The following PCLO variants were observed in gnomAD, a reference collection of about 807,000 sequenced individuals.
PCLO encodes the protein protein piccolo.
In PCLO, 82 loss-of-function variants were observed where a neutral mutation model predicts 427.5. That is an observed-to-expected ratio of 0.19 (90% CI 0.16 to 0.23). PCLO has a LOEUF of 0.23. PCLO is among the 10% of genes least tolerant of loss of function. PCLO has a pLI of 1.00. For synonymous variants in PCLO, 2,357 were observed against 2,155.4 expected (o/e 1.09, Z -2.59); for missense variants, 6,239 against 6,115.9 (o/e 1.02, Z -0.67).
At chr7:82,879,577 A>C (rs1793453276) in intron 9 of PCLO, 115 bp from the exon 10 acceptor site, 2 of 681,986 alleles carry the variant, frequency 2.9e-6, no homozygotes. Flanking sequence ...ATATAACATG[A>C]ATATTGGAAA....
intron 3 of PCLO, among the ~76,000 whole-genome samples, chr7:83,092,134 G>A (rs978472285): frequency 9.9e-5 from 15 of 152,180 alleles, no homozygotes; most frequent in African/African-American, 3.4e-4. Flanking sequence ...AACTCACTAA[G>A]TCAGGAATAA....
At position 82,757,660 on chromosome 7, in the gene PCLO, C is replaced by T. The variant is rs1178493541; in HGVS notation, c.*915G>A. ...GATAATACATTTATTTGCAGTTTCA[C>T]AAAGAGTAAGTTATCATGCTTCCTA... is the stretch of plus-strand genomic sequence containing the variant. On this transcript the variant is annotated 3_prime_UTR_variant, in exon 25 of 25. Transcript: ENST00000333891. The T allele has an allele frequency of 6.6e-6, 1 of 151,886 alleles. No homozygotes were observed. Among genetic ancestry groups the T allele is most frequent in the African/African-American group, 2.4e-5 (1 of 41,394 alleles). The allele number at this position is 151,886 out of a possible 1,614,324, so 9.4% of individuals were successfully genotyped here. A position where few individuals can be genotyped will look rare whatever the true frequency, so the allele number is the denominator to read the frequency against.
chr7:83,000,056 CAA>C (rs34696638), intron 3 of PCLO, among the ~76,000 whole-genome samples: 38 of 144,238 alleles, frequency 2.6e-4, no homozygotes, highest in Non-Finnish European at 6.1e-5. Context: ...AAAAAACAAA[CAA>C]AAAAAAAACC....
chr7:83,100,412 C>G (rs1213131519), intron 3 of PCLO, among the ~76,000 whole-genome samples: 5 of 152,068 alleles, frequency 3.3e-5, no homozygotes, highest in African/African-American at 1.2e-4. Flanking sequence ...ACCTAAATGC[C>G]CATCAGTGAT....
intron 20 of PCLO, among the ~76,000 whole-genome samples, chr7:82,816,068 GGAAAA>G (rs1349968371): frequency 1.3e-5 from 2 of 151,912 alleles, no homozygotes; most frequent in African/African-American, 4.8e-5. Flanking sequence ...TAATAAAAAT[GGAAAA>G]GAATATTTTC....
intron 3 of PCLO, among the ~76,000 whole-genome samples, chr7:83,044,522 T>C (rs916783624): frequency 3.3e-5 from 5 of 152,178 alleles, no homozygotes; most frequent in African/African-American, 1.2e-4. Flanking sequence ...TATAAATGTG[T>C]CTTTTACCAT....
At chr7:82,880,192 T>C (rs1470036430) in intron 9 of PCLO, among the ~76,000 whole-genome samples, 1 of 152,138 alleles carries the variant, frequency 6.6e-6, no homozygotes, top group African/African-American at 2.4e-5. Flanking sequence ...AGCAAGTATA[T>C]AGAGCATGAA....
intron 3 of PCLO, among the ~76,000 whole-genome samples, chr7:83,101,764 C>T (rs1402472246): frequency 6.6e-6 from 1 of 152,110 alleles, no homozygotes; most frequent in Non-Finnish European, 1.5e-5. Flanking sequence ...CGAGGCAATC[C>T]TATCACGCAC....
chr7:82,788,777 ATTCT>A lies in PCLO; in HGVS notation c.15007+12737_15007+12740del, dbSNP rs1442683178. Reference sequence around the variant, plus strand: ...AATGTGGAAGAGTCGAATTGAATCAATTCTTTAAGTAACATAAAATTGTGTATTT... The same window carrying A: ...AATGTGGAAGAGTCGAATTGAATCAATTAAGTAACATAAAATTGTGTATTT... On this transcript the variant is annotated intron_variant, in intron 22 of 24. Coordinates refer to ENST00000333891, the MANE Select transcript of PCLO (RefSeq NM_033026.6). Among the ~76,000 whole-genome samples, 3 of 152,058 alleles carry A rather than the reference ATTCT, an allele frequency of 2.0e-5. No homozygotes were observed. In the South Asian group the frequency reaches 6.2e-4, roughly 32 times the overall value.
In PCLO at chr7:82,836,776, T is replaced by C. The variant is rs189332187; in HGVS notation, c.14223-1083A>G. On this transcript the variant is annotated intron_variant, in intron 15 of 24. Transcript: ENST00000333891. ...ACAAGAATACTGAATCTCAAAGAAA[T>C]TGGTGATCTGCCTGTGGTGATATAA... Among the ~76,000 whole-genome samples the C allele has an allele frequency of 3.2e-4, 49 of 152,220 alleles. No individual in the cohort carries two copies. In the East Asian group the frequency reaches 4.8e-3, roughly 15 times the overall value.
intron 3 of PCLO, among the ~76,000 whole-genome samples, chr7:83,081,015 A>G (rs1365464454): frequency 1.3e-5 from 2 of 151,956 alleles, no homozygotes; most frequent in Admixed American, 1.3e-4. Flanking sequence ...GTATTCACCT[A>G]TTTTTGAACC....
In PCLO at chr7:83,156,055, C is replaced by A. The variant is rs143264629; in HGVS notation, c.586G>T (p.Val196Phe). The A allele has an allele frequency of 4.9e-4, 790 of 1,613,324 alleles. 6 individuals are homozygous for A. In the East Asian group the frequency reaches 0.017, roughly 34 times the overall value. The change falls in exon 2 of 25, where the codon GTT becomes TTT. Residue 196 changes from valine to phenylalanine, a missense_variant. Val to Phe is a conservative substitution (Grantham distance 50, BLOSUM62 -1). Coordinates refer to ENST00000333891, the MANE Select transcript of PCLO (RefSeq NM_033026.6). The stretch of plus-strand genomic sequence containing the variant: ...TCAGGTTTTCCTTGCTCCTTCTGAA[C>A]CACTTTTTGTTTCTTGGTGGTTTCT... Reference protein sequence around the residue: ...QEETTKKQKVVQKEQGKPEGI... With the variant: ...QEETTKKQKVFQKEQGKPEGI...
intron 22 of PCLO, among the ~76,000 whole-genome samples, chr7:82,785,242 T>G (rs1790961042): frequency 6.6e-6 from 1 of 152,122 alleles, no homozygotes; most frequent in Non-Finnish European, 1.5e-5. Context: ...CATTAGATTC[T>G]CATAAGGAGC....
intron 22 of PCLO, among the ~76,000 whole-genome samples, chr7:82,796,091 G>T (rs1791217613): frequency 6.6e-6 from 1 of 152,144 alleles, no homozygotes; most frequent in Admixed American, 6.5e-5. Context: ...CTAAGACGAA[G>T]AAATACCCAA....
chr7:82,996,082 A>T (rs1036306450), intron 3 of PCLO, among the ~76,000 whole-genome samples: 3 of 151,860 alleles, frequency 2.0e-5, no homozygotes, highest in African/African-American at 7.2e-5. Context: ...TTTAGAAAAT[A>T]TGCATGTCAT....
At chr7:83,025,288 C>A (rs1297469877) in intron 3 of PCLO, among the ~76,000 whole-genome samples, 1 of 151,364 alleles carries the variant, frequency 6.6e-6, no homozygotes, top group African/African-American at 2.4e-5. Flanking sequence ...AACCAAGGCT[C>A]GAGAACTACG....
intron 9 of PCLO, among the ~76,000 whole-genome samples, chr7:82,891,520 C>G (rs1173091683): frequency 6.6e-6 from 1 of 151,920 alleles, no homozygotes; most frequent in Non-Finnish European, 1.5e-5. Context: ...AATTGAATAC[C>G]CTTTATTTCC....
At chr7:82,770,910 C>T (rs1018636298) in intron 22 of PCLO, among the ~76,000 whole-genome samples, 1 of 151,852 alleles carries the variant, frequency 6.6e-6, no homozygotes, top group Non-Finnish European at 1.5e-5. Context: ...ATTAAAGCCG[C>T]TGATATGTTT....
chr7:82,945,257 C>T (rs2116398952), intron 6 of PCLO, among the ~76,000 whole-genome samples: 1 of 152,110 alleles, frequency 6.6e-6, no homozygotes, highest in East Asian at 1.9e-4. Flanking sequence ...ACGTAAATGT[C>T]AACAAATAAA....
Sources: allele counts gnomAD v4.1 joint callset (sites outside exome capture counted in the v4.1 genomes callset), GRCh38; gene constraint gnomAD v4.1.1; transcripts MANE v1.5; gene names NCBI Gene and HGNC (gene_info 2026-07-23, HGNC 2026-07-21).